RELN: variants seen among roughly 807,000 people sequenced by gnomAD.
The protein encoded by RELN is reelin.
RELN carries 108 observed loss-of-function variants against 427.6 expected under a neutral mutation model. The observed-to-expected ratio is 0.25, with a 90% CI of 0.22 to 0.30. The LOEUF is 0.30. Ranked by LOEUF, RELN falls within the 10% of genes least tolerant of loss-of-function variation. The pLI is 1.00. For missense variants in RELN, 3,715 were observed against 4,302.8 expected, an observed-to-expected ratio of 0.86 and a Z score of 3.82; for synonymous variants, 1,524 against 1,513.4, an observed-to-expected ratio of 1.01 and a Z score of -0.16.
chr7:103,548,434 T>G (rs1252825706), intron 41 of RELN, among the ~76,000 whole-genome samples: 1 of 152,236 alleles, frequency 6.6e-6, no homozygotes, highest in Non-Finnish European at 1.5e-5. Flanking sequence ...AATTTAACTT[T>G]TGCCTTCCAG....
At chr7:103,767,307 A>G (rs1042516249) in intron 4 of RELN, among the ~76,000 whole-genome samples, 9 of 152,046 alleles carry the variant, frequency 5.9e-5, no homozygotes, top group African/African-American at 2.2e-4. Context: ...AGGGTTTTTA[A>G]TGTTTGATCT....
At chr7:103,641,243 G>A (rs1232670879) in intron 16 of RELN, among the ~76,000 whole-genome samples, 1 of 152,150 alleles carries the variant, frequency 6.6e-6, no homozygotes, top group Non-Finnish European at 1.5e-5. Flanking sequence ...TTAAACTAAT[G>A]AGAAATTCAA....
intron 8 of RELN, among the ~76,000 whole-genome samples, chr7:103,714,367 A>C (rs1789884054): frequency 6.6e-6 from 1 of 152,216 alleles, no homozygotes; most frequent in East Asian, 1.9e-4. Context: ...TGGAATACAG[A>C]GTTCAAGACA....
At chr7:103,831,093 TATC>T (rs1793262853) in intron 3 of RELN, among the ~76,000 whole-genome samples, 1 of 152,160 alleles carries the variant, frequency 6.6e-6, no homozygotes, top group South Asian at 2.1e-4. Context: ...AGCTATCAAA[TATC>T]ATTCTTAAAC....
At chr7:103,578,211 C>A (rs1229462980) in intron 28 of RELN, among the ~76,000 whole-genome samples, 2 of 152,048 alleles carry the variant, frequency 1.3e-5, no homozygotes, top group African/African-American at 4.8e-5. Flanking sequence ...GAGGAGGTAT[C>A]CTTGTTTGCA....
chr7:103,818,701 T>TA (rs1251584056), intron 3 of RELN, among the ~76,000 whole-genome samples: 1 of 152,058 alleles, frequency 6.6e-6, no homozygotes, highest in African/African-American at 2.4e-5. Context: ...TGTCCAGAAA[T>TA]AAGAGACTGA....
At chr7:103,497,040 C>T (rs1828863215) in intron 55 of RELN, among the ~76,000 whole-genome samples, 1 of 152,156 alleles carries the variant, frequency 6.6e-6, no homozygotes, top group African/African-American at 2.4e-5. Context: ...AAATTTAGTT[C>T]TAAATTCTTA....
Position 103,569,510 on chromosome 7 carries a change from T to A in RELN, c.4588+2674A>T, listed in dbSNP as rs1830834192. ...AGCATACCACTCCAATCCTACTAAA[T>A]CTAAATTTGCATTTTAACAAGGCTC... is the stretch of plus-strand genomic sequence containing the variant. On this transcript the variant is annotated intron_variant, in intron 31 of 64. Transcript: ENST00000428762. This position sits in a 1 kb window ranked among gnomAD's most constrained non-coding sequence, Gnocchi z 4.0. Among the ~76,000 whole-genome samples the A allele has an allele frequency of 6.6e-6, 1 of 152,234 alleles. No homozygotes were observed. Among genetic ancestry groups the A allele is most frequent in the South Asian group, 2.1e-4 (1 of 4,828 alleles).
At chr7:103,741,401 C>T (rs1790651173) in intron 6 of RELN, among the ~76,000 whole-genome samples, 1 of 151,740 alleles carries the variant, frequency 6.6e-6, no homozygotes. Flanking sequence ...TTTAATTTGG[C>T]ATTTGTTTTT....
At chr7:103,742,778 T>C (rs535930548) in intron 6 of RELN, among the ~76,000 whole-genome samples, 1 of 152,346 alleles carries the variant, frequency 6.6e-6, no homozygotes, top group African/African-American at 2.4e-5. Flanking sequence ...AGACCAAATC[T>C]ACGTCTGACT....
At chr7:103,630,856 T>TG (rs1832442756) in intron 19 of RELN, among the ~76,000 whole-genome samples, 2 of 83,506 alleles carry the variant, frequency 2.4e-5, no homozygotes, top group African/African-American at 9.4e-5. Context: ...TTTTTGTTTT[T>TG]TTTGTTTTTT....
Position 103,804,514 on chromosome 7 carries a change from T to C in RELN, c.474-27887A>G, listed in dbSNP as rs539967019. Among the ~76,000 whole-genome samples the C allele has an allele frequency of 1.8e-3, 279 of 152,112 alleles. 1 individual carries two copies. Among genetic ancestry groups the C allele is most frequent in the Middle Eastern group, 0.01 (3 of 294 alleles). Reference sequence around the variant, plus strand: ...GCAGCGACAATGCATATATTAGCTATGTAAATGGAAAATCTACACACAGCT... The same window carrying C: ...GCAGCGACAATGCATATATTAGCTACGTAAATGGAAAATCTACACACAGCT... On this transcript the variant is annotated intron_variant, in intron 3 of 64. Transcript: ENST00000428762.
At chr7:103,672,533 A>C (rs536886236) in intron 11 of RELN, among the ~76,000 whole-genome samples, 5 of 152,198 alleles carry the variant, frequency 3.3e-5, no homozygotes, top group Non-Finnish European at 7.3e-5. Context: ...GGTCAAAAGA[A>C]AATCAGAAAA....
chr7:103,484,078 A>G, intron 61 of RELN: 1 of 516,476 alleles, frequency 1.9e-6, no homozygotes, highest in Non-Finnish European at 3.5e-6. Flanking sequence ...CGGGGTTTTG[A>G]CATGTTGTCC....
At position 103,561,819 on chromosome 7, in the gene RELN, C is replaced by A. The variant is rs747527621; in HGVS notation, c.5345G>T (p.Arg1782Leu). Residue 1782 changes from arginine (R) to leucine (L), a missense_variant, in exon 35 of 65, where the codon CGC (arginine) becomes CTC (leucine). Around this residue, in one of 4 missense-constraint regions of RELN, gnomAD observed 2,208 missense variants for 2,361.7 expected, o/e 0.93. Transcript: ENST00000428762. Reference protein sequence around the residue: ...CSGRGICDAGRCVCDRGFGGP... With the variant: ...CSGRGICDAGLCVCDRGFGGP... Reference sequence around the variant, plus strand: ...GTCAGTTTTATTAACTTACACACAGCGTCCAGCATCACAAATCCCTCGTCC... The same window carrying A: ...GTCAGTTTTATTAACTTACACACAGAGTCCAGCATCACAAATCCCTCGTCC... 6.2e-7 allele frequency: 1 copy of A among 1,613,972 alleles called. No individual in the cohort carries two copies. Among genetic ancestry groups the A allele is most frequent in the Non-Finnish European group, 8.5e-7 (1 of 1,179,916 alleles).
intron 12 of RELN, among the ~76,000 whole-genome samples, chr7:103,655,113 C>G (rs1832999197): frequency 6.6e-6 from 1 of 151,958 alleles, no homozygotes; most frequent in Admixed American, 6.6e-5. Flanking sequence ...CGCCTAGTCC[C>G]AGTCAACAAT....
In RELN at chr7:103,541,846, G is replaced by A. The variant is rs934916868; in HGVS notation, c.6671+885C>T. The stretch of plus-strand genomic sequence containing the variant: ...TAAAGTGGGATAATGATAAAATATT[G>A]TTTTTATAACTGTGTAATTATTTCA... On this transcript the variant is annotated intron_variant, in intron 43 of 64. Coordinates refer to ENST00000428762, the MANE Select transcript of RELN (RefSeq NM_005045.4). Among the ~76,000 whole-genome samples the A allele has an allele frequency of 2.5e-4, 38 of 152,074 alleles. 1 individual carries two copies. The highest frequency in any genetic ancestry group is 2.2e-3 in the Admixed American group (34 of 15,264).
intron 1 of RELN, among the ~76,000 whole-genome samples, chr7:103,933,534 G>A (rs1310317384): frequency 6.6e-6 from 1 of 150,996 alleles, no homozygotes; most frequent in African/African-American, 2.4e-5. Flanking sequence ...AGAAGGGAGG[G>A]AGGGAAGGAA....
rs200696688 is a variant in RELN at position 103,939,469 on chromosome 7, AAC to A, written c.227-22286_227-22285del. Among the ~76,000 whole-genome samples the A allele has an allele frequency of 7.0e-3, 1,069 of 152,306 alleles. 15 individuals are homozygous for A. The highest frequency in any genetic ancestry group is 0.025 in the African/African-American group (1,026 of 41,564). On this transcript the variant is annotated intron_variant, in intron 1 of 64. Transcript: ENST00000428762. ...CCCAAGATAAATACAGACAGACACA[AAC>A]ACACACACATGCATACCACGCACAT... is the stretch of plus-strand genomic sequence containing the variant.
Sources: allele counts gnomAD v4.1 joint callset (sites outside exome capture counted in the v4.1 genomes callset), GRCh38; gene constraint gnomAD v4.1.1; regional missense constraint gnomAD v4.1.1; non-coding constraint Gnocchi (gnomAD v3.1); transcripts MANE v1.5; gene names NCBI Gene and HGNC (gene_info 2026-07-23, HGNC 2026-07-21).